CCDC57: variants seen among roughly 807,000 people sequenced by gnomAD.
CCDC57 encodes the protein coiled-coil domain-containing protein 57.
Under a neutral mutation model 118.9 loss-of-function variants are expected in CCDC57, and 118 were observed. The ratio of observed to expected loss-of-function variants is 0.99; its 90% confidence interval spans 0.86 to 1.16. CCDC57 has a LOEUF of 1.16. CCDC57 is among the 50% of genes most tolerant of loss of function. The pLI is 0.00. For synonymous variants in CCDC57, 527 were observed against 532.9 expected (o/e 0.99, Z 0.15); for missense variants, 1,300 against 1,320.7 (o/e 0.98, Z 0.24).
chr17:82,133,348 T>A (rs2038687182), intron 17 of CCDC57, among the ~76,000 whole-genome samples: 1 of 140,372 alleles, frequency 7.1e-6, no homozygotes, highest in Admixed American at 7.9e-5. Context: ...CACTCCAGCC[T>A]GGGTGACAGA....
intron 16 of CCDC57, among the ~76,000 whole-genome samples, chr17:82,148,056 G>GGATGGATGGATGGGTGGGTA (rs2041085837): frequency 7.7e-6 from 1 of 129,720 alleles, no homozygotes; most frequent in Non-Finnish European, 1.6e-5. Context: ...GTGGGTGGGT[G>GGATGGATGGATGGGTGGGTA]GATGGATGGA....
At chr17:82,107,617 G>C in intron 19 of CCDC57, 1 of 470,228 alleles carries the variant, frequency 2.1e-6, no homozygotes, top group Non-Finnish European at 4.4e-6. Flanking sequence ...AGAATGAATG[G>C]GGCCCTGTTG....
chr17:82,145,781 C>T (rs2040648304), intron 16 of CCDC57: 1 of 465,244 alleles, frequency 2.1e-6, no homozygotes, highest in Admixed American at 2.4e-5. Context: ...CACTCCCCGC[C>T]CTGGTCTCGG....
chr17:82,161,985 A>C (rs969576875), intron 14 of CCDC57, among the ~76,000 whole-genome samples: 2 of 144,360 alleles, frequency 1.4e-5, no homozygotes, highest in African/African-American at 5.0e-5. Context: ...TATATTAATG[A>C]ATTTTACCAC....
At position 82,211,188 on chromosome 17, in the gene CCDC57, T is replaced by C. The variant is rs75475851; in HGVS notation, c.-211+1597A>G. On this transcript the variant is annotated intron_variant, in intron 1 of 19. Coordinates refer to ENST00000665763, the Ensembl canonical transcript of CCDC57. ...CTAGCACCAACAGCCAGGGGCATCC[T>C]GTGTCTCGTAAGACGCTGGGAAGGG... Among the ~76,000 whole-genome samples, 250 of 152,288 alleles carry C rather than the reference T, an allele frequency of 1.6e-3. 4 individuals are homozygous for C. The East Asian group carries it at 0.03, about 18-fold the overall frequency.
intron 8 of CCDC57, among the ~76,000 whole-genome samples, chr17:82,185,340 G>A (rs2046800167): frequency 6.6e-6 from 1 of 152,104 alleles, no homozygotes; most frequent in Admixed American, 6.6e-5. Flanking sequence ...AAAGAAGGCT[G>A]GGCATGGTGG....
At chr17:82,125,343 G>C (rs540298245) in intron 19 of CCDC57, among the ~76,000 whole-genome samples, 2 of 152,110 alleles carry the variant, frequency 1.3e-5, no homozygotes, top group East Asian at 3.9e-4. Flanking sequence ...TTTGAGATCA[G>C]CCTGGGCAAC....
chr17:82,127,675 G>A lies in CCDC57; in HGVS notation c.2899+17C>T. On this transcript the variant is annotated intron_variant, in intron 19 of 19. Transcript: ENST00000665763. ...GCTGCCAGCTGTGGGCAGCTCCTGG[G>A]GAGGGCAGTCTCCTACCTGGAGTTG... 1 of 1,583,074 alleles carries A rather than the reference G, an allele frequency of 6.3e-7. No individual in the cohort carries two copies. The highest frequency in any genetic ancestry group is 8.6e-7 in the Non-Finnish European group (1 of 1,164,714).
intron 19 of CCDC57, chr17:82,107,601 G>C (rs1287278622): frequency 2.1e-6 from 1 of 470,668 alleles, no homozygotes; most frequent in Admixed American, 2.3e-5. Flanking sequence ...TTGGTCTGCA[G>C]GTTCCAGAAT....
chr17:82,156,905 C>G (rs2042745019), intron 15 of CCDC57: 1 of 152,322 alleles, frequency 6.6e-6, no homozygotes, highest in Admixed American at 6.5e-5. Context: ...AAGCACGGTG[C>G]CCTGGGGATC....
At chr17:82,133,487 TA>T (rs1298995330) in intron 17 of CCDC57, among the ~76,000 whole-genome samples, 1 of 115,038 alleles carries the variant, frequency 8.7e-6, no homozygotes, top group Non-Finnish European at 1.9e-5. Context: ...TCACTTATCA[TA>T]CCAGATTAAA....
intron 17 of CCDC57, among the ~76,000 whole-genome samples, chr17:82,130,134 C>G (rs919605927): frequency 1.3e-5 from 2 of 151,596 alleles, no homozygotes; most frequent in African/African-American, 4.8e-5. Context: ...CTGGGAGGAC[C>G]AGGCTGCAGT....
At chr17:82,178,859 G>A (rs934274619) in intron 10 of CCDC57, among the ~76,000 whole-genome samples, 168 bp downstream of exon 9, 5 of 152,246 alleles carry the variant, frequency 3.3e-5, no homozygotes, top group Admixed American at 3.3e-4. Flanking sequence ...CAAGGCGGGT[G>A]GACAGGCGGG....
At chr17:82,180,629 C>G (rs1051968028) in intron 9 of CCDC57, among the ~76,000 whole-genome samples, 24 of 152,146 alleles carry the variant, frequency 1.6e-4, no homozygotes, top group African/African-American at 5.1e-4. Context: ...GTGCATACCA[C>G]CACGCCTAGC....
chr17:82,210,451 C>G (rs949804804), intron 1 of CCDC57, among the ~76,000 whole-genome samples: 4 of 151,030 alleles, frequency 2.6e-5, no homozygotes, highest in African/African-American at 9.8e-5. Context: ...GCGGGCGGAT[C>G]ACTTGGGGTC....
intron 16 of CCDC57, among the ~76,000 whole-genome samples, chr17:82,150,257 C>T (rs1489082014): frequency 6.8e-6 from 1 of 146,264 alleles, no homozygotes; most frequent in Non-Finnish European, 1.5e-5. Flanking sequence ...ACACTCAGAA[C>T]CTGACCCGCA....
chr17:82,131,644 T>C (rs1040580171), intron 17 of CCDC57, among the ~76,000 whole-genome samples: 3 of 151,820 alleles, frequency 2.0e-5, no homozygotes, highest in African/African-American at 7.3e-5. Context: ...CCCAGCTACT[T>C]GGGAGGCTGA....
intron 19 of CCDC57, among the ~76,000 whole-genome samples, chr17:82,116,129 A>C (rs918675381): frequency 2.7e-5 from 4 of 147,078 alleles, no homozygotes; most frequent in Admixed American, 6.7e-5. Flanking sequence ...TTTAAAGTAA[A>C]CATCTCAAAA....
At chr17:82,187,934 T>C (rs1328332725) in intron 8 of CCDC57, among the ~76,000 whole-genome samples, 1 of 151,932 alleles carries the variant, frequency 6.6e-6, no homozygotes, top group Non-Finnish European at 1.5e-5. Flanking sequence ...CCACTGCCAC[T>C]GATCTGTACA....
Sources: gnomAD v4.1 joint callset for allele counts (sites outside exome capture counted in the v4.1 genomes callset) on GRCh38, gnomAD v4.1.1 for gene constraint, MANE v1.5 for transcripts, NCBI Gene and HGNC (gene_info 2026-07-23, HGNC 2026-07-21) for gene names.